ADGRV1: variants seen among roughly 807,000 people sequenced by gnomAD.
The protein encoded by ADGRV1 is adhesion G protein-coupled receptor V1.
In ADGRV1, 359 loss-of-function variants were observed where a neutral mutation model predicts 596.2. That is an observed-to-expected ratio of 0.60 (90% CI 0.55 to 0.66). ADGRV1 has a LOEUF of 0.66. Ranked by LOEUF, ADGRV1 falls within the 30% of genes least tolerant of loss-of-function variation. ADGRV1 has a pLI of 0.00. For missense variants in ADGRV1, 7,274 were observed against 7,575.6 expected (o/e 0.96, Z 1.48); for synonymous variants, 2,681 against 2,679.2 (o/e 1.00, Z -0.02).
At chr5:90,736,783 G>T (rs1561629353) in intron 50 of ADGRV1, among the ~76,000 whole-genome samples, 1 of 151,224 alleles carries the variant, frequency 6.6e-6, no homozygotes, top group Non-Finnish European at 1.5e-5. Flanking sequence ...TTGATCCTTT[G>T]TATTTCTGTA....
chr5:90,974,985 C>A (rs1468760052), intron 84 of ADGRV1, among the ~76,000 whole-genome samples: 17 of 151,130 alleles, frequency 1.1e-4, no homozygotes, highest in Non-Finnish European at 2.1e-4. Context: ...ATCTACAAAG[C>A]ACTCAAACAA....
intron 20 of ADGRV1, chr5:90,654,581 G>C (rs1473565957): frequency 6.5e-6 from 1 of 154,586 alleles, no homozygotes; most frequent in African/African-American, 2.4e-5. Flanking sequence ...ACAAATACTG[G>C]TTATATGCAT....
chr5:90,789,889 G>A, intron 69 of ADGRV1, 38 bp downstream of exon 69: 1 of 1,315,070 alleles, frequency 7.6e-7, no homozygotes, highest in Non-Finnish European at 9.8e-7. Flanking sequence ...GTACCAGTTT[G>A]CCTAACAAAT....
At chr5:91,106,404 C>T (rs1371500911) in intron 87 of ADGRV1, among the ~76,000 whole-genome samples, 1 of 152,084 alleles carries the variant, frequency 6.6e-6, no homozygotes, top group Non-Finnish European at 1.5e-5. Flanking sequence ...AGTACAATGC[C>T]TTCAGCTTTG....
At chr5:90,682,276 A>G (rs1402196934) in intron 27 of ADGRV1, among the ~76,000 whole-genome samples, 1 of 152,210 alleles carries the variant, frequency 6.6e-6, no homozygotes, top group East Asian at 1.9e-4. Context: ...GTGGATGTGA[A>G]GAACAGCATA....
chr5:90,668,173 G>T (rs372890489), intron 21 of ADGRV1, among the ~76,000 whole-genome samples: 20 of 152,094 alleles, frequency 1.3e-4, no homozygotes, highest in East Asian at 7.7e-4. Flanking sequence ...GTTTACCTAA[G>T]CAAGCCTGGG....
intron 85 of ADGRV1, among the ~76,000 whole-genome samples, chr5:90,993,146 G>A (rs1781106962): frequency 7.0e-6 from 1 of 142,066 alleles, no homozygotes; most frequent in Non-Finnish European, 1.5e-5. Context: ...GTCTTTCCTT[G>A]GTTTTCACTT....
At chr5:90,751,666 G>A (rs77711939) in intron 53 of ADGRV1, among the ~76,000 whole-genome samples, 3,409 of 152,208 alleles carry the variant, frequency 0.022, 141 homozygotes, top group African/African-American at 0.078. Context: ...AGATTAGTCT[G>A]TGTATATGGC....
At chr5:90,569,387 ATTTTTTTTTTTT>A (rs869133714) in intron 1 of ADGRV1, among the ~76,000 whole-genome samples, 7 of 16,366 alleles carry the variant, frequency 4.3e-4, no homozygotes, top group African/African-American at 1.8e-3. Flanking sequence ...ATATATATAT[ATTTTTTTTTTTT>A]TTTTTTTTTT....
chr5:90,675,873 T>A lies in ADGRV1; in HGVS notation c.5314-207T>A, dbSNP rs1049054721. 2.0e-5 allele frequency among the ~76,000 whole-genome samples: 3 copies of A among 151,276 alleles called. No homozygotes were observed. The South Asian group carries it at 6.3e-4, about 32-fold the overall frequency. On this transcript the variant is annotated intron_variant, in intron 24 of 89. Coordinates refer to ENST00000405460, the MANE Select transcript of ADGRV1 (RefSeq NM_032119.4). ...AAATAATCTACTTTATCTAATTAAT[T>A]GGAGAATATTTATTTAGAATTTACA...
rs144027106 is a variant in ADGRV1 at position 91,062,352 on chromosome 5, A to G, written c.18153-10095A>G. ...GCTTTTAGAGCAGAGTCACCAAATT[A>G]TAAGTCAGGGGCAAGCAAGAATCGT... On this transcript the variant is annotated intron_variant, in intron 85 of 89. Coordinates refer to ENST00000405460, the MANE Select transcript of ADGRV1 (RefSeq NM_032119.4). Among the ~76,000 whole-genome samples the G allele has an allele frequency of 2.6e-5, 4 of 152,352 alleles. No homozygotes were observed. In the East Asian group the frequency reaches 7.7e-4, roughly 29 times the overall value.
intron 63 of ADGRV1, 49 bp downstream of exon 63, chr5:90,778,658 A>T: frequency 7.1e-7 from 1 of 1,406,668 alleles, no homozygotes; most frequent in Non-Finnish European, 9.4e-7. Flanking sequence ...ATTTTTAGAT[A>T]TGAAAATGTT....
chr5:91,098,647 G>T (rs115807189), intron 86 of ADGRV1, among the ~76,000 whole-genome samples: 2 of 152,122 alleles, frequency 1.3e-5, no homozygotes, highest in Non-Finnish European at 2.9e-5. Flanking sequence ...GGAGTTTCTA[G>T]TCTGGGGTGC....
intron 83 of ADGRV1, among the ~76,000 whole-genome samples, chr5:90,945,798 G>T (rs1047695443): frequency 6.6e-6 from 1 of 152,048 alleles, no homozygotes; most frequent in African/African-American, 2.4e-5. Context: ...AGAGCATGGC[G>T]AAACCCTGTC....
chr5:90,999,457 C>A (rs531711316), intron 85 of ADGRV1, among the ~76,000 whole-genome samples: 46 of 151,840 alleles, frequency 3.0e-4, no homozygotes, highest in African/African-American at 9.6e-4. Flanking sequence ...GATGCAGAAT[C>A]AGGAAGATTA....
intron 83 of ADGRV1, among the ~76,000 whole-genome samples, chr5:90,960,737 A>G (rs1215394488): frequency 6.6e-6 from 1 of 152,124 alleles, no homozygotes; most frequent in African/African-American, 2.4e-5. Context: ...CATGAGTTCA[A>G]CCTGGGAAGA....
chr5:90,637,246 AT>A (rs574193112), intron 10 of ADGRV1, among the ~76,000 whole-genome samples: 137 of 150,644 alleles, frequency 9.1e-4, no homozygotes, highest in African/African-American at 3.2e-3. Flanking sequence ...ATTGGTTAGA[AT>A]TTTTTTTTTA....
At chr5:90,645,575 A>C (rs960421263) in intron 15 of ADGRV1, among the ~76,000 whole-genome samples, 2 of 152,182 alleles carry the variant, frequency 1.3e-5, no homozygotes, top group Non-Finnish European at 2.9e-5. Context: ...GAGCTGGCTG[A>C]GCTTTAGTTA....
chr5:90,824,702 G>A (rs1295876043), intron 76 of ADGRV1, among the ~76,000 whole-genome samples: 1 of 152,160 alleles, frequency 6.6e-6, no homozygotes. Context: ...AACTTTACGT[G>A]AAACAATGTG....
Sources: gnomAD v4.1 joint callset for allele counts (sites outside exome capture counted in the v4.1 genomes callset) on GRCh38, gnomAD v4.1.1 for gene constraint, MANE v1.5 for transcripts, NCBI Gene and HGNC (gene_info 2026-07-23, HGNC 2026-07-21) for gene names.